Variants in TRAPPC9 observed in about 807,000 individuals in gnomAD.
TRAPPC9 encodes the protein IKK2 binding protein.
In TRAPPC9, 83 loss-of-function variants were observed where a neutral mutation model predicts 124.0. The ratio of observed to expected loss-of-function variants is 0.67; its 90% CI spans 0.56 to 0.80. The LOEUF (loss-of-function observed/expected upper bound fraction) is 0.80. Ranked by LOEUF, TRAPPC9 falls within the 30% of genes least tolerant of loss-of-function variation. TRAPPC9 has a pLI of 0.00. For missense variants in TRAPPC9, 1,302 were observed against 1,508.3 expected, an observed-to-expected ratio of 0.86 and a Z score of 2.27; for synonymous variants, 638 against 617.5, an observed-to-expected ratio of 1.03 and a Z score of -0.49.
At chr8:140,447,679 T>A (rs2071316353) in intron 2 of TRAPPC9, among the ~76,000 whole-genome samples, 1 of 152,138 alleles carries the variant, frequency 6.6e-6, no homozygotes, top group Admixed American at 6.6e-5. Flanking sequence ...GAATGACCTG[T>A]CAGGAGGCCT....
At chr8:140,013,330 C>T (rs77574377) in intron 18 of TRAPPC9, among the ~76,000 whole-genome samples, 1,635 of 152,234 alleles carry the variant, frequency 0.011, 30 homozygotes, top group African/African-American at 0.037. Context: ...CCTGTCAAGC[C>T]ACTCCTGACC....
At chr8:139,945,019 G>A (rs746901303) in intron 19 of TRAPPC9, among the ~76,000 whole-genome samples, 2 of 152,182 alleles carry the variant, frequency 1.3e-5, no homozygotes, top group Non-Finnish European at 2.9e-5. Flanking sequence ...AGCTACACAG[G>A]AGGCTGAGGC....
At chr8:140,373,637 A>C (rs1332223031) in intron 7 of TRAPPC9, among the ~76,000 whole-genome samples, 1 of 151,572 alleles carries the variant, frequency 6.6e-6, no homozygotes, top group Non-Finnish European at 1.5e-5. Context: ...CTGTTGCTCC[A>C]CCTGCTCACC....
At chr8:140,008,341 C>A (rs1426958956) in intron 18 of TRAPPC9, 2 of 151,854 alleles carry the variant, frequency 1.3e-5, no homozygotes, top group African/African-American at 4.8e-5. Context: ...CGCAGCATCT[C>A]TTCTTCGGTC....
At chr8:139,924,618 G>A (rs186141518) in intron 19 of TRAPPC9, among the ~76,000 whole-genome samples, 274 of 152,228 alleles carry the variant, frequency 1.8e-3, no homozygotes, top group Middle Eastern at 6.8e-3. Context: ...GGTTCTTCAG[G>A]GATAAGCTCC....
At chr8:139,859,301 A>G (rs1172621977) in intron 21 of TRAPPC9, among the ~76,000 whole-genome samples, 1 of 151,842 alleles carries the variant, frequency 6.6e-6, no homozygotes, top group African/African-American at 2.4e-5. Context: ...TCCTTTCCTG[A>G]TCACCAAGCC....
rs55645825 is a variant in TRAPPC9 at position 139,947,894 on chromosome 8, GTA to G, written c.2811-37596_2811-37595del. Among the ~76,000 whole-genome samples, 52 of 65,814 alleles carry G rather than the reference GTA, an allele frequency of 7.9e-4. 2 individuals are homozygous for G. Among genetic ancestry groups the G allele is most frequent in the African/African-American group, 9.3e-4 (16 of 17,244 alleles). 43.2% of individuals were successfully genotyped at this position (65,814 alleles called of 152,430 possible). A position where few individuals can be genotyped will look rare whatever the true frequency, so the allele number is the denominator to read the frequency against. On this transcript the variant is annotated intron_variant, in intron 19 of 22. Coordinates refer to ENST00000438773, the MANE Select transcript of TRAPPC9 (RefSeq NM_001160372.4). ...AAAAAAAAAAAAAAGAAATATGTGT[GTA>G]TATATATATATAGAGAGAGAGAGAG... is the stretch of plus-strand genomic sequence containing the variant.
At chr8:140,042,949 G>C (rs1247758455) in intron 17 of TRAPPC9, among the ~76,000 whole-genome samples, 1 of 152,194 alleles carries the variant, frequency 6.6e-6, no homozygotes, top group Non-Finnish European at 1.5e-5. Flanking sequence ...GAGGGACTCA[G>C]TCCCTTTGTC....
At chr8:139,823,547 C>T (rs1422055707) in intron 21 of TRAPPC9, among the ~76,000 whole-genome samples, 1 of 152,204 alleles carries the variant, frequency 6.6e-6, no homozygotes, top group Admixed American at 6.5e-5. Flanking sequence ...GTGACCCACC[C>T]AGACCAGCAG....
chr8:140,359,309 A>C (rs1176033795), intron 9 of TRAPPC9, among the ~76,000 whole-genome samples: 1 of 151,978 alleles, frequency 6.6e-6, no homozygotes, highest in Non-Finnish European at 1.5e-5. Context: ...GGCACCACAC[A>C]CTGGGCCAGG....
intron 17 of TRAPPC9, chr8:140,095,744 T>C (rs1375048465): frequency 6.6e-6 from 1 of 151,678 alleles, no homozygotes; most frequent in African/African-American, 2.4e-5. Flanking sequence ...GAGAGGAAAA[T>C]TTTCAGTGGG....
chr8:140,124,909 AAAG>A (rs2061056408), intron 17 of TRAPPC9, among the ~76,000 whole-genome samples: 2 of 152,380 alleles, frequency 1.3e-5, no homozygotes, highest in African/African-American at 4.8e-5. Context: ...TAGAGCTTAA[AAAG>A]AAGACCTTTG....
chr8:139,750,319 G>A (rs2130192859), intron 21 of TRAPPC9, among the ~76,000 whole-genome samples: 1 of 152,306 alleles, frequency 6.6e-6, no homozygotes, highest in East Asian at 1.9e-4. Flanking sequence ...TGGTTTACCA[G>A]ACCCTGGAGG....
chr8:139,910,113 C>A, intron 20 of TRAPPC9, 34 bp downstream of exon 20: 5 of 1,611,790 alleles, frequency 3.1e-6, no homozygotes, highest in Non-Finnish European at 4.2e-6. Flanking sequence ...GGCAAAGGTG[C>A]CCCCAGGCCC....
chr8:139,989,348 C>T (rs1465443814), intron 18 of TRAPPC9, among the ~76,000 whole-genome samples: 4 of 152,182 alleles, frequency 2.6e-5, no homozygotes, highest in Non-Finnish European at 4.4e-5. Context: ...TTCTCCCATG[C>T]GGGCACCTCT....
At chr8:140,046,166 C>A (rs192406758) in intron 17 of TRAPPC9, among the ~76,000 whole-genome samples, 9 of 150,848 alleles carry the variant, frequency 6.0e-5, no homozygotes, top group Admixed American at 4.0e-4. Context: ...CTGTGCTGAG[C>A]GGTCTTGCCG....
In TRAPPC9 at chr8:140,115,883, G is replaced by A. The variant is rs540010851; in HGVS notation, c.2557-91804C>T. Among the ~76,000 whole-genome samples, 15 of 152,318 alleles carry A rather than the reference G, an allele frequency of 9.8e-5. No individual in the cohort carries two copies. In the South Asian group the frequency reaches 2.5e-3, roughly 25 times the overall value. ...GTCACCCTCCAAGGGACGGTGTGAT[G>A]AGCGAATGTGACAGTGCTCGTGAAC... On this transcript the variant is annotated intron_variant, in intron 17 of 22. Coordinates refer to ENST00000438773, the MANE Select transcript of TRAPPC9 (RefSeq NM_001160372.4).
At position 140,426,656 on chromosome 8, in the gene TRAPPC9, A is replaced by T; in HGVS notation, c.860-15T>A. ...TTCCTGTGCCCCTGGAAGAAAGAAC[A>T]GATTATGGTATTTTATTTGGAAAAC... On this transcript the variant is annotated splice_polypyrimidine_tract_variant and intron_variant, in intron 4 of 22. Coordinates refer to ENST00000438773, the MANE Select transcript of TRAPPC9 (RefSeq NM_001160372.4). 6.2e-7 allele frequency: 1 copy of T among 1,612,976 alleles called. No individual in the cohort carries two copies. Among genetic ancestry groups the T allele is most frequent in the Non-Finnish European group, 8.5e-7 (1 of 1,179,056 alleles).
At position 140,257,150 on chromosome 8, in the gene TRAPPC9, C is replaced by T. The variant is rs1398633709; in HGVS notation, c.2279-4221G>A. Among the ~76,000 whole-genome samples, 1 of 152,354 alleles carries T rather than the reference C, an allele frequency of 6.6e-6. No homozygotes were observed. The highest frequency in any genetic ancestry group is 1.9e-4 in the East Asian group (1 of 5,180). On this transcript the variant is annotated intron_variant, in intron 15 of 22. Transcript: ENST00000438773. The surrounding 1 kb of genome is among the most constrained non-coding windows in gnomAD (Gnocchi z 4.6). ...GCATACCCTTAGCTCCTCCCAAAAT[C>T]TCCATATGCCAGCATTATCCACATC... is the stretch of plus-strand genomic sequence containing the variant.
Sources: gnomAD v4.1 joint callset for allele counts (sites outside exome capture counted in the v4.1 genomes callset) on GRCh38, gnomAD v4.1.1 for gene constraint, Gnocchi (gnomAD v3.1) non-coding constraint, MANE v1.5 for transcripts, NCBI Gene and HGNC (gene_info 2026-07-23, HGNC 2026-07-21) for gene names.